Variants in OSBPL10 observed in about 807,000 individuals in gnomAD.
OSBPL10 encodes the protein oxysterol-binding protein-related protein 10.
OSBPL10 carries 49 observed loss-of-function variants against 81.7 expected under a neutral mutation model. That is an observed-to-expected ratio of 0.60 (90% CI 0.48 to 0.76). The LOEUF is 0.76. Ranked by LOEUF, OSBPL10 falls within the 30% of genes least tolerant of loss-of-function variation. OSBPL10 has a pLI of 0.00. For synonymous variants in OSBPL10, 419 were observed against 383.6 expected, an observed-to-expected ratio of 1.09 and a Z score of -1.08; for missense variants, 923 against 987.8, an observed-to-expected ratio of 0.93 and a Z score of 0.88.
chr3:31,791,716 T>C (rs1373564234), intron 4 of OSBPL10, among the ~76,000 whole-genome samples: 2 of 151,940 alleles, frequency 1.3e-5, no homozygotes, highest in Non-Finnish European at 2.9e-5. Flanking sequence ...GAAAATCATA[T>C]CTTTATGCCC....
chr3:31,895,808 G>T (rs961830803), intron 1 of OSBPL10, among the ~76,000 whole-genome samples: 1 of 152,166 alleles, frequency 6.6e-6, no homozygotes, highest in African/African-American at 2.4e-5. Flanking sequence ...ACATGAATGG[G>T]CAAGAGCAAC....
intron 2 of OSBPL10, among the ~76,000 whole-genome samples, chr3:32,006,237 C>T (rs1699204624): frequency 6.6e-6 from 1 of 152,178 alleles, no homozygotes; most frequent in African/African-American, 2.4e-5. Context: ...TGAGCCACCG[C>T]ACCCCTCCAT....
intron 4 of OSBPL10, among the ~76,000 whole-genome samples, chr3:31,812,844 G>T: frequency 7.2e-6 from 1 of 139,308 alleles, no homozygotes. Flanking sequence ...AAGAAAGAAA[G>T]AACGAACTTC....
At chr3:31,987,297 T>C (rs1406092188) in intron 2 of OSBPL10, among the ~76,000 whole-genome samples, 2 of 152,238 alleles carry the variant, frequency 1.3e-5, no homozygotes, top group Non-Finnish European at 2.9e-5. Context: ...AGCTATATTA[T>C]CCTTTGTAAC....
chr3:31,894,077 G>A (rs1695985246), intron 1 of OSBPL10, among the ~76,000 whole-genome samples: 1 of 152,198 alleles, frequency 6.6e-6, no homozygotes, highest in African/African-American at 2.4e-5. Context: ...CCAAGGTGGT[G>A]ATGGCAGAGT....
At chr3:31,728,003 A>G (rs1164954462) in intron 6 of OSBPL10, among the ~76,000 whole-genome samples, 1 of 152,232 alleles carries the variant, frequency 6.6e-6, no homozygotes, top group African/African-American at 2.4e-5. Flanking sequence ...CGCAGAACTC[A>G]GCTAAATCTT....
chr3:31,715,327 T>C (rs1696398562), intron 6 of OSBPL10, among the ~76,000 whole-genome samples: 1 of 151,864 alleles, frequency 6.6e-6, no homozygotes, highest in African/African-American at 2.4e-5. Flanking sequence ...GATTGGAGAG[T>C]GGTGCTCTAA....
rs569383133 is a variant in OSBPL10 at position 31,771,102 on chromosome 3, C to G, written c.730-22982G>C. ...TGAATCAGTCCATATACGTGAATCA[C>G]TCAGAAATGCTGCTAATACACAGCA... On this transcript the variant is annotated intron_variant, in intron 4 of 11. Transcript: ENST00000396556. 2.6e-5 allele frequency among the ~76,000 whole-genome samples: 4 copies of G among 152,300 alleles called. No homozygotes were observed. The East Asian group carries it at 7.7e-4, about 29-fold the overall frequency.
At chr3:31,845,931 A>T (rs1343337278) in intron 3 of OSBPL10, among the ~76,000 whole-genome samples, 1 of 152,252 alleles carries the variant, frequency 6.6e-6, no homozygotes, top group Admixed American at 6.5e-5. Context: ...TGGTCAAGAC[A>T]TGGAGAAGAT....
chr3:31,852,575 TTTTG>T (rs10650722), intron 3 of OSBPL10, among the ~76,000 whole-genome samples: 26 of 150,996 alleles, frequency 1.7e-4, no homozygotes, highest in Admixed American at 1.1e-3. Context: ...TTTTTCCTTT[TTTTG>T]TTTGTTTGTT....
In OSBPL10 at chr3:31,990,959, G is replaced by A. The variant is rs112503028; in HGVS notation, n.298+55532C>T. The A allele has an allele frequency of 1.8e-3, 2,765 of 1,574,558 alleles. 56 individuals are homozygous for A. The African/African-American group carries it at 0.033, about 19-fold the overall frequency. ...CAGAAATCTTACAAATGTCATAAGCGTGGCAAGGTCTTCAGTTAGAGGTCA... is the reference window on the plus strand; with the variant it reads ...CAGAAATCTTACAAATGTCATAAGCATGGCAAGGTCTTCAGTTAGAGGTCA... On this transcript the variant is annotated intron_variant and non_coding_transcript_variant, in intron 2 of 3. Coordinates refer to the OSBPL10 transcript ENST00000479173.
chr3:31,870,683 G>A lies in OSBPL10; in HGVS notation c.537+5750C>T, dbSNP rs908465436. On this transcript the variant is annotated intron_variant, in intron 3 of 11. Coordinates refer to ENST00000396556, the MANE Select transcript of OSBPL10 (RefSeq NM_017784.5). ...TCAAGGTTTGTAAACACACCAATCA[G>A]CACCCTGTGTCTACCTCAGGGTTTG... 1.6e-4 allele frequency among the ~76,000 whole-genome samples: 25 copies of A among 152,252 alleles called. No homozygotes were observed. The East Asian group carries it at 2.3e-3, about 14-fold the overall frequency.
intron 1 of OSBPL10, among the ~76,000 whole-genome samples, chr3:31,965,184 A>G (rs1698282976): frequency 2.0e-5 from 3 of 151,532 alleles, no homozygotes; most frequent in Middle Eastern, 3.4e-3. Context: ...CCTGGCTAAC[A>G]TGGTGAAATC....
chr3:31,694,308 T>C (rs1179825725), intron 7 of OSBPL10, among the ~76,000 whole-genome samples: 1 of 134,818 alleles, frequency 7.4e-6, no homozygotes, highest in East Asian at 2.2e-4. Flanking sequence ...GAGGCAGAGG[T>C]TGAAGTTAGC....
At chr3:31,685,103 G>C (rs991263195) in intron 7 of OSBPL10, among the ~76,000 whole-genome samples, 1 of 152,146 alleles carries the variant, frequency 6.6e-6, no homozygotes, top group Admixed American at 6.5e-5. Context: ...TCTGAAACTG[G>C]GAAGCCCATA....
chr3:31,714,098 GCA>G, intron 6 of OSBPL10: 1 of 152,318 alleles, frequency 6.6e-6, no homozygotes, highest in East Asian at 1.9e-4. Flanking sequence ...CGATATGATT[GCA>G]CACAGAGGGG....
intron 8 of OSBPL10, among the ~76,000 whole-genome samples, chr3:31,683,343 A>C (rs967412522): frequency 1.9e-4 from 29 of 152,356 alleles, no homozygotes; most frequent in African/African-American, 7.0e-4. Context: ...GAAAGAAAAC[A>C]GTACCTGTAA....
chr3:31,978,961 T>A (rs2125502535), intron 1 of OSBPL10, among the ~76,000 whole-genome samples: 1 of 152,266 alleles, frequency 6.6e-6, no homozygotes, highest in South Asian at 2.1e-4. Flanking sequence ...TAATACAGAC[T>A]GCAAGGTAAA....
At chr3:31,956,780 G>C (rs1698022532) in intron 1 of OSBPL10, among the ~76,000 whole-genome samples, 1 of 151,922 alleles carries the variant, frequency 6.6e-6, no homozygotes, top group South Asian at 2.1e-4. Context: ...CCTAGAGTAG[G>C]ATTTGGGATA....
Sources: allele counts gnomAD v4.1 joint callset (sites outside exome capture counted in the v4.1 genomes callset), GRCh38; gene constraint gnomAD v4.1.1; transcripts MANE v1.5; gene names NCBI Gene and HGNC (gene_info 2026-07-23, HGNC 2026-07-21).